Variants in CCDC60 observed in about 807,000 individuals in gnomAD.
CCDC60 encodes coiled-coil domain containing 60.
A neutral mutation model predicts 63.5 loss-of-function variants in CCDC60; 54 were observed. That is an observed-to-expected ratio of 0.85 (90% CI 0.68 to 1.07). The LOEUF (loss-of-function observed/expected upper bound fraction) is 1.07, where lower values mean the gene tolerates loss of function less well. CCDC60 is among the 50% of genes least tolerant of loss of function. The probability of loss-of-function intolerance (pLI) is 0.00; values close to 1 mark genes in which losing one functional copy is unlikely to be tolerated. For missense variants in CCDC60, 651 were observed against 684.3 expected (o/e 0.95, Z 0.54); for synonymous variants, 206 against 238.8 (o/e 0.86, Z 1.27).
intron 7 of CCDC60, among the ~76,000 whole-genome samples, chr12:119,512,261 G>A (rs568372387): frequency 2.0e-5 from 3 of 152,164 alleles, no homozygotes; most frequent in East Asian, 3.9e-4. Context: ...TATTGTCATC[G>A]TTCATCGATA....
At chr12:119,463,384 A>T (rs1218147417) in intron 2 of CCDC60, among the ~76,000 whole-genome samples, 1 of 152,236 alleles carries the variant, frequency 6.6e-6, no homozygotes, top group Non-Finnish European at 1.5e-5. Flanking sequence ...TCTACCAACC[A>T]GCGCAGTGCA....
intron 1 of CCDC60, among the ~76,000 whole-genome samples, chr12:119,382,568 T>A (rs1247659070): frequency 6.6e-6 from 1 of 152,210 alleles, no homozygotes; most frequent in Non-Finnish European, 1.5e-5. Flanking sequence ...CAGTATGGCC[T>A]GTACTACTGG....
At chr12:119,540,546 G>C (rs1007097998) in intron 13 of CCDC60, 68 bp from the exon 14 acceptor site, 1 of 1,072,236 alleles carries the variant, frequency 9.3e-7, no homozygotes. Flanking sequence ...GATCTTGAGG[G>C]GAGGGAGAGA....
At position 119,454,234 on chromosome 12, in the gene CCDC60, C is replaced by T. The variant is rs58628899; in HGVS notation, c.171-17760C>T. Among the ~76,000 whole-genome samples, 944 of 152,274 alleles carry T rather than the reference C, an allele frequency of 6.2e-3. 12 individuals are homozygous for T. Among genetic ancestry groups the T allele is most frequent in the African/African-American group, 0.021 (892 of 41,562 alleles). On this transcript the variant is annotated intron_variant, in intron 2 of 13. Transcript: ENST00000327554. ...ATTCCAGTGCCACCTCTTACTAACC[C>T]TATGGTCAGACTATTTGACTTCTTT...
intron 1 of CCDC60, among the ~76,000 whole-genome samples, chr12:119,375,696 T>A (rs1199554279): frequency 6.6e-6 from 1 of 152,172 alleles, no homozygotes; most frequent in African/African-American, 2.4e-5. Context: ...TCCCTGTATA[T>A]GACAAAGACA....
chr12:119,461,592 A>G (rs1950857995), intron 2 of CCDC60, among the ~76,000 whole-genome samples: 1 of 152,146 alleles, frequency 6.6e-6, no homozygotes, highest in African/African-American at 2.4e-5. Context: ...ACCCTCTCCC[A>G]TGCACTGGTT....
intron 1 of CCDC60, among the ~76,000 whole-genome samples, chr12:119,399,924 G>A (rs978699759): frequency 1.3e-5 from 2 of 152,126 alleles, no homozygotes; most frequent in Non-Finnish European, 2.9e-5. Flanking sequence ...CACTTGCCAA[G>A]CAGCTTTTTA....
chr12:119,537,209 G>T (rs1953029240), intron 13 of CCDC60, among the ~76,000 whole-genome samples: 2 of 152,112 alleles, frequency 1.3e-5, no homozygotes, highest in South Asian at 4.1e-4. Flanking sequence ...ATCGGCTACT[G>T]AAGCTTGTGA....
chr12:119,520,112 G>T lies in CCDC60; in HGVS notation c.969-9G>T. On this transcript the variant is annotated splice_polypyrimidine_tract_variant and intron_variant, in intron 8 of 13. Coordinates refer to ENST00000327554, the MANE Select transcript of CCDC60 (RefSeq NM_178499.5). ...AGCGCCTTGTTAAAGGACTCATTTT[G>T]CCTTGCAGCATCTTGTCAGTGCTGA... The T allele has an allele frequency of 6.2e-7, 1 of 1,612,806 alleles. No individual in the cohort carries two copies. Among genetic ancestry groups the T allele is most frequent in the African/African-American group, 1.3e-5 (1 of 74,970 alleles).
chr12:119,491,299 C>T (rs1951577555), intron 5 of CCDC60, among the ~76,000 whole-genome samples: 1 of 152,104 alleles, frequency 6.6e-6, no homozygotes, highest in African/African-American at 2.4e-5. Context: ...TGTGGAATAT[C>T]CTTACACATC....
chr12:119,343,660 CTATATATATATATATA>C (rs60934414), intron 1 of CCDC60, among the ~76,000 whole-genome samples: 1 of 141,122 alleles, frequency 7.1e-6, no homozygotes. Flanking sequence ...GAAAGGCAAA[CTATATATATATATATA>C]TATATATATG....
intron 13 of CCDC60, among the ~76,000 whole-genome samples, chr12:119,531,281 G>C (rs1018780063): frequency 6.6e-6 from 1 of 152,222 alleles, no homozygotes; most frequent in Non-Finnish European, 1.5e-5. Context: ...GAAACTCAGA[G>C]GCTTTGGGGT....
Position 119,540,998 on chromosome 12 carries a change from C to A in CCDC60, c.*283C>A. 3.1e-6 allele frequency: 1 copy of A among 327,294 alleles called. No individual in the cohort carries two copies. Among genetic ancestry groups the A allele is most frequent in the Admixed American group, 4.8e-5 (1 of 20,684 alleles). The allele number at this position is 327,294 out of a possible 1,614,324, so 20.3% of individuals were successfully genotyped here. A position where few individuals can be genotyped will look rare whatever the true frequency, so the allele number is the denominator to read the frequency against. On this transcript the variant is annotated 3_prime_UTR_variant, in exon 14 of 14. Transcript: ENST00000327554. ...TACTTCCTCTTCAGATTCCTTCACC[C>A]TATTTACCTTCCTCAAGTACTGGAG...
chr12:119,507,537 TACACATATATATAC>T (rs1952047888), intron 7 of CCDC60, among the ~76,000 whole-genome samples: 2 of 96,738 alleles, frequency 2.1e-5, no homozygotes, highest in African/African-American at 8.9e-5. Flanking sequence ...CACATATATA[TACACATATATATAC>T]ATATATATAT....
At chr12:119,481,997 T>TATATATA (rs1491219462) in intron 4 of CCDC60, among the ~76,000 whole-genome samples, 1,465 of 109,282 alleles carry the variant, frequency 0.013, 27 homozygotes, top group African/African-American at 0.043. Flanking sequence ...TATATATATA[T>TATATATA]GTATATATAG....
chr12:119,353,479 C>T (rs900179048), intron 1 of CCDC60, among the ~76,000 whole-genome samples: 10 of 96,970 alleles, frequency 1.0e-4, no homozygotes, highest in East Asian at 4.3e-4. Flanking sequence ...CATCTCTCTC[C>T]GTCTCTGTCT....
intron 1 of CCDC60, among the ~76,000 whole-genome samples, chr12:119,418,121 CAT>C (rs1956736138): frequency 3.0e-5 from 3 of 100,462 alleles, no homozygotes; most frequent in South Asian, 4.0e-4. Context: ...ATGTTTTTAA[CAT>C]GTTTCCATAT....
intron 1 of CCDC60, among the ~76,000 whole-genome samples, chr12:119,372,284 G>A (rs1448615992): frequency 6.6e-6 from 1 of 152,104 alleles, no homozygotes; most frequent in Non-Finnish European, 1.5e-5. Flanking sequence ...AGAATGGCAG[G>A]TAAGCATGAT....
At chr12:119,484,298 G>T (rs1030218551) in intron 4 of CCDC60, among the ~76,000 whole-genome samples, 11 of 152,190 alleles carry the variant, frequency 7.2e-5, no homozygotes, top group Non-Finnish European at 2.9e-5. Context: ...TGGGCACTTA[G>T]AACAGTGGTC....
Sources: allele counts gnomAD v4.1 joint callset (sites outside exome capture counted in the v4.1 genomes callset), GRCh38; gene constraint gnomAD v4.1.1; transcripts MANE v1.5; gene names NCBI Gene and HGNC (gene_info 2026-07-23, HGNC 2026-07-21).